The following DRD3 variants were observed in gnomAD, a reference collection of about 807,000 sequenced individuals.
DRD3 encodes the protein D(3) dopamine receptor.
DRD3 carries 19 observed loss-of-function variants against 36.3 expected under a neutral mutation model. The observed-to-expected ratio is 0.52, with a 90% CI of 0.36 to 0.77. The LOEUF (loss-of-function observed/expected upper bound fraction) is 0.77, where lower values mean the gene tolerates loss of function less well. Among genes scored for constraint, DRD3 ranks in the 30% least tolerant of loss-of-function variants. DRD3 has a pLI of 0.00. For synonymous variants in DRD3, 195 were observed against 203.7 expected (o/e 0.96, Z 0.36); for missense variants, 465 against 505.3 (o/e 0.92, Z 0.77).
At chr3:114,130,120 A>G (rs534797296) in intron 6 of DRD3, among the ~76,000 whole-genome samples, 2 of 152,066 alleles carry the variant, frequency 1.3e-5, no homozygotes, top group African/African-American at 4.8e-5. Context: ...TTAGCTGGTC[A>G]TGGGGGCATA....
chr3:114,159,609 C>A, intron 3 of DRD3, 146 bp downstream of exon 3: 2 of 630,380 alleles, frequency 3.2e-6, no homozygotes, highest in Non-Finnish European at 2.7e-6. Flanking sequence ...CACCTGCAAA[C>A]CATACTTTAA....
chr3:114,156,331 C>T (rs867296208), intron 3 of DRD3, among the ~76,000 whole-genome samples: 3 of 152,176 alleles, frequency 2.0e-5, no homozygotes, highest in Admixed American at 6.5e-5. Context: ...AAAAACCAAA[C>T]CATTAAAGCA....
intron 1 of DRD3, 124 bp from the exon 2 acceptor site, chr3:114,172,151 G>T: frequency 1.4e-6 from 1 of 717,938 alleles, no homozygotes; most frequent in Non-Finnish European, 2.0e-6. Flanking sequence ...AGTAGGCACT[G>T]TTGTGAGAGT....
chr3:114,163,931 T>A (rs1489947253), intron 2 of DRD3, among the ~76,000 whole-genome samples: 1 of 151,712 alleles, frequency 6.6e-6, no homozygotes, highest in Non-Finnish European at 1.5e-5. Flanking sequence ...TTAAAACAGA[T>A]AAAAGTGAAA....
chr3:114,197,957 C>G (rs12495190), intron 1 of DRD3, among the ~76,000 whole-genome samples: 5,488 of 152,164 alleles, frequency 0.036, 129 homozygotes, highest in Admixed American at 0.066. Flanking sequence ...TTAAAACCAG[C>G]TTCTTATTTT....
intron 4 of DRD3, among the ~76,000 whole-genome samples, chr3:114,142,643 G>T (rs553608932): frequency 1.3e-4 from 20 of 152,210 alleles, no homozygotes; most frequent in African/African-American, 4.8e-4. Context: ...GTAGTAATCT[G>T]GGGTAGAAGG....
intron 4 of DRD3, among the ~76,000 whole-genome samples, chr3:114,141,104 T>G (rs1480593992): frequency 6.6e-6 from 1 of 152,270 alleles, no homozygotes; most frequent in Admixed American, 6.5e-5. Context: ...CGATCTCGGC[T>G]CACCGCAACC....
rs1220045547 is a variant in DRD3 at position 114,176,749 on chromosome 3, T to C, written c.-36+1908A>G. Among the ~76,000 whole-genome samples the C allele has an allele frequency of 2.0e-5, 3 of 152,174 alleles. No individual in the cohort carries two copies. In the East Asian group the frequency reaches 5.8e-4, roughly 29 times the overall value. On this transcript the variant is annotated intron_variant, in intron 1 of 6. Transcript: ENST00000383673. The stretch of plus-strand genomic sequence containing the variant: ...TCTGGCTGTTGCTACATCTAATCTT[T>C]TACTCAGACGACTCCTGACCACCAG...
At chr3:114,161,225 T>TA (rs889070352) in intron 2 of DRD3, among the ~76,000 whole-genome samples, 115 of 152,274 alleles carry the variant, frequency 7.6e-4, no homozygotes, top group African/African-American at 2.8e-3. Context: ...ACAGGCCCAA[T>TA]GGCCATTTAA....
chr3:114,198,214 TC>T (rs2078047231), intron 1 of DRD3, among the ~76,000 whole-genome samples: 1 of 151,468 alleles, frequency 6.6e-6, no homozygotes, highest in African/African-American at 2.4e-5. Context: ...TGATATTGTT[TC>T]ATAATTTCTG....
At chr3:114,147,256 C>G (rs1375555666) in intron 4 of DRD3, among the ~76,000 whole-genome samples, 159 bp downstream of exon 4, 2 of 151,964 alleles carry the variant, frequency 1.3e-5, no homozygotes, top group East Asian at 3.9e-4. Context: ...TTATTTATAA[C>G]CCACAAAGGC....
chr3:114,151,826 C>G (rs1011019232), intron 3 of DRD3, among the ~76,000 whole-genome samples: 2 of 152,198 alleles, frequency 1.3e-5, no homozygotes, highest in Non-Finnish European at 2.9e-5. Context: ...TCGAGGGCAT[C>G]GACAGCTCTC....
intron 3 of DRD3, 87 bp downstream of exon 3, chr3:114,159,668 G>T: frequency 9.9e-7 from 1 of 1,007,938 alleles, no homozygotes; most frequent in Non-Finnish European, 1.6e-6. Flanking sequence ...TCTACTTGGA[G>T]GTGACCCCAG....
rs2077986810 is a variant in DRD3, at chr3:114,188,290, T to A, written c.-155-9514A>T. ...GTGCAATGGTGAGATCTCAGTTCAC[T>A]GCAACCTCCGCCTCAAGTTCAAGTG... On this transcript the variant is annotated intron_variant, in intron 1 of 7. Coordinates refer to the DRD3 transcript ENST00000460779. Among the ~76,000 whole-genome samples, 3 of 148,220 alleles carry A rather than the reference T, an allele frequency of 2.0e-5. No individual in the cohort carries two copies. In the South Asian group the frequency reaches 6.6e-4, roughly 33 times the overall value.
chr3:114,132,445 T>C (rs2077439060), intron 5 of DRD3, among the ~76,000 whole-genome samples: 1 of 151,820 alleles, frequency 6.6e-6, no homozygotes, highest in Non-Finnish European at 1.5e-5. Flanking sequence ...TTAGGACAAA[T>C]ACCTAATCCA....
intron 2 of DRD3, among the ~76,000 whole-genome samples, chr3:114,168,830 C>T (rs888506991): frequency 2.6e-5 from 4 of 152,234 alleles, no homozygotes; most frequent in East Asian, 3.9e-4. Flanking sequence ...ACAGCCAAAA[C>T]ATTCCTACCT....
At chr3:114,175,921 C>T (rs1327086929) in intron 1 of DRD3, 1 of 152,220 alleles carries the variant, frequency 6.6e-6, no homozygotes. Context: ...TATAACACTA[C>T]TTACACATTT....
chr3:114,133,821 A>G (rs1295320516), intron 5 of DRD3, among the ~76,000 whole-genome samples: 2 of 152,206 alleles, frequency 1.3e-5, no homozygotes, highest in African/African-American at 2.4e-5. Flanking sequence ...TACTGATGGC[A>G]TAAAAGCCAG....
intron 3 of DRD3, among the ~76,000 whole-genome samples, chr3:114,149,678 C>A (rs535880967): frequency 2.0e-5 from 3 of 152,178 alleles, no homozygotes; most frequent in African/African-American, 7.2e-5. Context: ...ATTAGGTGAG[C>A]CCTTAAAGGG....
Sources: gnomAD v4.1 joint callset for allele counts (sites outside exome capture counted in the v4.1 genomes callset) on GRCh38, gnomAD v4.1.1 for gene constraint, MANE v1.5 for transcripts, NCBI Gene and HGNC (gene_info 2026-07-23, HGNC 2026-07-21) for gene names.